The following ASPH variants were observed in gnomAD, a reference collection of about 807,000 sequenced individuals.
ASPH encodes the protein aspartate beta-hydroxylase, also known as aspartyl/asparaginyl beta-hydroxylase.
Under a neutral mutation model 118.4 loss-of-function variants are expected in ASPH, and 100 were observed. That is an observed-to-expected ratio of 0.84 (90% CI 0.72 to 1.00). The LOEUF is 1.00. Ranked by LOEUF, ASPH falls within the 50% of genes least tolerant of loss-of-function variation. The pLI is 0.00. For synonymous variants in ASPH, 315 were observed against 325.6 expected, an observed-to-expected ratio of 0.97 and a Z score of 0.35; for missense variants, 920 against 919.5, an observed-to-expected ratio of 1.00 and a Z score of -0.01.
In ASPH at chr8:61,665,173, T is replaced by A; in HGVS notation, c.323-11513A>T. On this transcript the variant is annotated intron_variant, in intron 3 of 24. Coordinates refer to ENST00000379454, the MANE Select transcript of ASPH (RefSeq NM_004318.4). ...TACACACCCTCACCAATCAGAGCAA[T>A]ATTACATTTTCCATGCTTTTTTGTA... 4 of 1,517,776 alleles carry A rather than the reference T, an allele frequency of 2.6e-6. No individual in the cohort carries two copies. In the South Asian group the frequency reaches 5.5e-5, roughly 21 times the overall value. 94.0% of individuals were successfully genotyped at this position (1,517,776 alleles called of 1,614,324 possible).
rs1447122556 is a variant in ASPH at position 61,643,965 on chromosome 8, A to T, written c.689T>A (p.Met230Lys). Reference sequence around the variant, plus strand: ...CAAACCTGGATTTTCCTGCTCAGACATCATCTCTTCCATATCCTGATTACA... The same window carrying T: ...CAAACCTGGATTTTCCTGCTCAGACTTCATCTCTTCCATATCCTGATTACA... ...QDCNQDMEEMMSEQENPDSSE... is the reference protein window; with the variant it reads ...QDCNQDMEEMKSEQENPDSSE... Residue 230 changes from methionine (M) to lysine (K), a missense_variant, in exon 8 of 25, where the codon ATG becomes AAG. By Grantham distance (95) the Met-to-Lys change is moderately conservative (BLOSUM62 -1). Coordinates refer to ENST00000379454, the MANE Select transcript of ASPH (RefSeq NM_004318.4). The T allele has an allele frequency of 6.2e-7, 1 of 1,611,690 alleles. No homozygotes were observed. Among genetic ancestry groups the T allele is most frequent in the Non-Finnish European group, 8.5e-7 (1 of 1,178,156 alleles).
Position 61,600,309 on chromosome 8 carries a change from AG to A in ASPH, c.977-16281del, listed in dbSNP as rs1843613620. ...AGAAAAGCAGAAAGCCTTTCCTCTAAGAACTGAAATAAGAAAAAGGTGTTTA... is the reference window on the plus strand; with the variant it reads ...AGAAAAGCAGAAAGCCTTTCCTCTAAAACTGAAATAAGAAAAAGGTGTTTA... On this transcript the variant is annotated intron_variant, in intron 14 of 24. Transcript: ENST00000379454. Among the ~76,000 whole-genome samples the A allele has an allele frequency of 2.4e-3, 355 of 147,946 alleles. 1 individual carries two copies. The highest frequency in any genetic ancestry group is 8.8e-3 in the African/African-American group (331 of 37,502).
At chr8:61,614,852 T>A (rs1049371085) in intron 14 of ASPH, among the ~76,000 whole-genome samples, 14 of 152,172 alleles carry the variant, frequency 9.2e-5, no homozygotes, top group African/African-American at 3.4e-4. Context: ...CTACTAACTT[T>A]ATATCCAAAT....
chr8:61,696,401 T>G (rs1833938828), intron 1 of ASPH, among the ~76,000 whole-genome samples: 1 of 152,208 alleles, frequency 6.6e-6, no homozygotes, highest in Admixed American at 6.5e-5. Context: ...AATACCCAGC[T>G]AAGGAGCTAC....
chr8:61,551,096 G>A (rs1195185979), intron 20 of ASPH, among the ~76,000 whole-genome samples: 1 of 152,190 alleles, frequency 6.6e-6, no homozygotes, highest in Non-Finnish European at 1.5e-5. Flanking sequence ...TGGGGACTTG[G>A]AGAAGGAGAC....
At chr8:61,533,104 CTTTT>C (rs71559337) in intron 21 of ASPH, among the ~76,000 whole-genome samples, 1 of 141,838 alleles carries the variant, frequency 7.1e-6, no homozygotes. Flanking sequence ...ATTTCTTCTT[CTTTT>C]TTTTTTTTTG....
intron 21 of ASPH, among the ~76,000 whole-genome samples, chr8:61,529,185 A>C (rs1414011699): frequency 2.0e-5 from 3 of 152,182 alleles, no homozygotes; most frequent in Admixed American, 2.0e-4. Context: ...CTCCTCAATT[A>C]GAGAAGGTCA....
chr8:61,604,872 A>ATACATTAC (rs1845105584), intron 14 of ASPH, among the ~76,000 whole-genome samples: 1 of 152,232 alleles, frequency 6.6e-6, no homozygotes, highest in Admixed American at 6.5e-5. Flanking sequence ...TCTTTGCTGA[A>ATACATTAC]TACATTACTT....
chr8:61,654,149 C>A (rs751663493), intron 3 of ASPH, among the ~76,000 whole-genome samples: 1 of 152,120 alleles, frequency 6.6e-6, no homozygotes, highest in Non-Finnish European at 1.5e-5. Context: ...TATTTATTAT[C>A]ATCTAAAGGA....
chr8:61,704,710 C>G (rs1358479781), intron 1 of ASPH, among the ~76,000 whole-genome samples: 1 of 151,960 alleles, frequency 6.6e-6, no homozygotes, highest in Non-Finnish European at 1.5e-5. Context: ...AGCCAATAAG[C>G]ACAAGAAAAA....
In ASPH at chr8:61,619,005, T is replaced by C; in HGVS notation, c.949A>G (p.Thr317Ala). 1 of 1,605,670 alleles carries C rather than the reference T, an allele frequency of 6.2e-7. No homozygotes were observed. The highest frequency in any genetic ancestry group is 8.5e-7 in the Non-Finnish European group (1 of 1,173,486). ...QEVPPETNRK[T>A]DDPEQKAKVK... ...TTTGCTTTTTGTTCTGGATCATCTG[T>C]TTTTCTATTTGTTTCTGAAAATTAA... is the stretch of plus-strand genomic sequence containing the variant. The change falls in exon 14 of 25, where the codon ACA becomes GCA. Residue 317 changes from threonine to alanine, a missense_variant. Coordinates refer to ENST00000379454, the MANE Select transcript of ASPH (RefSeq NM_004318.4).
At chr8:61,607,352 T>A (rs1231368613) in intron 14 of ASPH, 2 of 691,864 alleles carry the variant, frequency 2.9e-6, no homozygotes, top group African/African-American at 1.8e-5. Flanking sequence ...GGAATATATA[T>A]AATTCTTTCT....
intron 15 of ASPH, chr8:61,579,331 T>C: frequency 6.2e-7 from 1 of 1,614,186 alleles, no homozygotes; most frequent in Non-Finnish European, 8.5e-7. Context: ...GCACGGCAGC[T>C]GCGTGAGTAC....
chr8:61,643,957 G>T lies in ASPH; in HGVS notation c.697C>A (p.Gln233Lys), dbSNP rs1806572728. ...AACATTTACAAACCTGGATTTTCCT[G>T]CTCAGACATCATCTCTTCCATATCC... ...NQDMEEMMSE[Q>K]ENPDSSEPVV... The change falls in exon 8 of 25, where the codon CAG (glutamine) becomes AAG (lysine). Residue 233 changes from glutamine to lysine, a missense_variant. Transcript: ENST00000379454. 6.2e-7 allele frequency: 1 copy of T among 1,611,430 alleles called. No individual in the cohort carries two copies. The highest frequency in any genetic ancestry group is 8.5e-7 in the Non-Finnish European group (1 of 1,178,140).
chr8:61,678,714 C>T (rs568226483), intron 3 of ASPH, among the ~76,000 whole-genome samples: 43 of 152,210 alleles, frequency 2.8e-4, no homozygotes, highest in African/African-American at 9.1e-4. Flanking sequence ...ACTATACCTG[C>T]GATGACAACA....
rs142171992 is a variant in ASPH at position 61,606,042 on chromosome 8, A to G, written c.976+12936T>C. ...GCAGAGGTATGCAATTAATGGCGCA[A>G]CAACACATACCCTGCTGGGTCCTAT... On this transcript the variant is annotated intron_variant, in intron 14 of 24. Transcript: ENST00000379454. Among the ~76,000 whole-genome samples the G allele has an allele frequency of 3.3e-5, 5 of 152,254 alleles. No individual in the cohort carries two copies. In the East Asian group the frequency reaches 9.6e-4, roughly 29 times the overall value.
intron 1 of ASPH, among the ~76,000 whole-genome samples, chr8:61,702,702 C>T (rs149148042): frequency 1.4e-4 from 22 of 152,262 alleles, no homozygotes; most frequent in Admixed American, 3.9e-4. Context: ...AAGAAAATGT[C>T]GGGTCAGTTT....
intron 18 of ASPH, among the ~76,000 whole-genome samples, chr8:61,560,580 CA>C (rs1189513411): frequency 2.6e-5 from 4 of 151,868 alleles, no homozygotes; most frequent in Non-Finnish European, 5.9e-5. Flanking sequence ...GCGACCCCCA[CA>C]CATATTTTCA....
chr8:61,706,845 G>C (rs1326123942), intron 1 of ASPH, among the ~76,000 whole-genome samples: 1 of 152,200 alleles, frequency 6.6e-6, no homozygotes, highest in Non-Finnish European at 1.5e-5. Context: ...TCATACACAA[G>C]AGGTGATGCT....
Sources: gnomAD v4.1 joint callset for allele counts (sites outside exome capture counted in the v4.1 genomes callset) on GRCh38, gnomAD v4.1.1 for gene constraint, MANE v1.5 for transcripts, NCBI Gene and HGNC (gene_info 2026-07-23, HGNC 2026-07-21) for gene names.